The following SLC4A1 variants were observed in gnomAD, a reference collection of about 807,000 sequenced individuals.
The protein encoded by SLC4A1 is solute carrier family 4 member 1 (Diego blood group).
A neutral mutation model predicts 93.1 loss-of-function variants in SLC4A1; 29 were observed. The ratio of observed to expected loss-of-function variants is 0.31; its 90% CI spans 0.23 to 0.42. SLC4A1 has a LOEUF of 0.42. Among genes scored for constraint, SLC4A1 ranks in the 20% least tolerant of loss-of-function variants. The pLI, the probability that SLC4A1 is intolerant of heterozygous loss-of-function variation, is 1.00. For synonymous variants in SLC4A1, 469 were observed against 497.2 expected (o/e 0.94, Z 0.76); for missense variants, 965 against 1,190.1 (o/e 0.81, Z 2.78).
At chr17:44,259,132 C>T (rs1436120712) in intron 9 of SLC4A1, 31 bp downstream of exon 9, 1 of 1,611,720 alleles carries the variant, frequency 6.2e-7, no homozygotes, top group Non-Finnish European at 8.5e-7. Flanking sequence ...CCCAAGCTTC[C>T]CCAGCCCAGC....
chr17:44,260,789 C>G lies in SLC4A1; in HGVS notation c.195G>C (p.Val65=). 1 of 1,613,286 alleles carries G rather than the reference C, an allele frequency of 6.2e-7. No homozygotes were observed. The change falls in exon 5 of 20, where the codon GTG becomes GTC. Residue 65 remains valine, a synonymous_variant. Coordinates refer to ENST00000262418, the MANE Select transcript of SLC4A1 (RefSeq NM_000342.4). The stretch of plus-strand genomic sequence containing the variant: ...TCAGCTCCTGGTTCTTTTCGTCCAT[C>G]ACCAGCTCCTGCAGCTCCACATAGA... ...HKVYVELQEL[V]MDEKNQELRW...
At position 44,262,837 on chromosome 17, in the gene SLC4A1, C is replaced by T. The variant is rs753574686; in HGVS notation, c.15+15G>A. 10 of 1,613,854 alleles carry T rather than the reference C, an allele frequency of 6.2e-6. No individual in the cohort carries two copies. The highest frequency in any genetic ancestry group is 1.1e-5 in the South Asian group (1 of 91,072). ...CCTCCAGGTGGGAGCACTGCTGATG[C>T]CAGGGAACACCCACCTGCAGCTCCT... On this transcript the variant is annotated intron_variant, in intron 2 of 19. Coordinates refer to ENST00000262418, the MANE Select transcript of SLC4A1 (RefSeq NM_000342.4).
At chr17:44,257,894 G>A in intron 11 of SLC4A1, 87 bp from the exon 12 acceptor site, 3 of 1,605,474 alleles carry the variant, frequency 1.9e-6, no homozygotes, top group Non-Finnish European at 2.6e-6. Context: ...TGATGCAGGG[G>A]TCTGGAGGGT....
chr17:44,261,805 G>C (rs1341883137), intron 3 of SLC4A1, among the ~76,000 whole-genome samples, 169 bp from the exon 4 acceptor site: 1 of 152,134 alleles, frequency 6.6e-6, no homozygotes, highest in Non-Finnish European at 1.5e-5. Context: ...GCAGAATGAG[G>C]CTCCCCACAC....
At chr17:44,251,117 A>G (rs1174489676) in intron 19 of SLC4A1, 42 bp downstream of exon 19, 5 of 1,559,496 alleles carry the variant, frequency 3.2e-6, no homozygotes, top group South Asian at 2.3e-5. Flanking sequence ...CGCCCCTCGC[A>G]TGCTCCCAGC....
chr17:44,262,362 T>C (rs2047453020), intron 3 of SLC4A1, among the ~76,000 whole-genome samples: 1 of 152,220 alleles, frequency 6.6e-6, no homozygotes, highest in Admixed American at 6.5e-5. Context: ...TGGGCACAGA[T>C]GGCATGTGGG....
chr17:44,259,993 G>C, intron 6 of SLC4A1, 61 bp from the exon 7 acceptor site: 1 of 1,605,150 alleles, frequency 6.2e-7, no homozygotes, highest in Non-Finnish European at 8.5e-7. Flanking sequence ...ATCAGTGGTG[G>C]GAGGGATCAA....
In SLC4A1 at chr17:44,258,273, G is replaced by T; in HGVS notation, c.1088-93C>A. On this transcript the variant is annotated intron_variant, in intron 10 of 19. Transcript: ENST00000262418. This position sits in a 1 kb window ranked among gnomAD's most constrained non-coding sequence, Gnocchi z 6.1. Reference sequence around the variant, plus strand: ...GGGTGTAGGGGAGATTGTCTGATGGGAATGGGGCGGCGAAGAAGTCTGGAA... The same window carrying T: ...GGGTGTAGGGGAGATTGTCTGATGGTAATGGGGCGGCGAAGAAGTCTGGAA... 7.0e-7 allele frequency: 1 copy of T among 1,435,422 alleles called. No homozygotes were observed. The highest frequency in any genetic ancestry group is 9.8e-7 in the Non-Finnish European group (1 of 1,020,274). 88.9% of individuals were successfully genotyped at this position (1,435,422 alleles called of 1,614,324 possible). A position where few individuals can be genotyped will look rare whatever the true frequency, so the allele number is the denominator to read the frequency against.
At chr17:44,260,036 A>C (rs953604080) in intron 6 of SLC4A1, 104 bp from the exon 7 acceptor site, 2 of 1,463,774 alleles carry the variant, frequency 1.4e-6, no homozygotes, top group Non-Finnish European at 1.9e-6. Context: ...GTAGACATCA[A>C]GGGTAGACAT....
At chr17:44,260,278 G>A in intron 6 of SLC4A1, 126 bp downstream of exon 6, 1 of 1,204,492 alleles carries the variant, frequency 8.3e-7, no homozygotes, top group Non-Finnish European at 1.2e-6. Context: ...GAGCCATAGT[G>A]GAGGAAAGTG....
At chr17:44,251,731 T>TC (rs1271879774) in intron 17 of SLC4A1, 143 bp from the exon 18 acceptor site, 3 of 585,442 alleles carry the variant, frequency 5.1e-6, no homozygotes, top group Non-Finnish European at 8.5e-6. Context: ...TTTTTTTTTT[T>TC]TTTTTTTTGT....
chr17:44,260,981 G>C (rs936910256), intron 4 of SLC4A1, among the ~76,000 whole-genome samples, 166 bp from the exon 5 acceptor site: 7 of 152,124 alleles, frequency 4.6e-5, no homozygotes, highest in African/African-American at 1.4e-4. Flanking sequence ...TCCTGGCCAG[G>C]CCTTTACCCC....
rs2047321169 is a variant in SLC4A1 at position 44,249,530 on chromosome 17, C to G, written c.*928G>C. 1 of 204,830 alleles carries G rather than the reference C, an allele frequency of 4.9e-6. No individual in the cohort carries two copies. Among genetic ancestry groups the G allele is most frequent in the Non-Finnish European group, 1.0e-5 (1 of 100,362 alleles). 12.7% of individuals were successfully genotyped at this position (204,830 alleles called of 1,614,324 possible). ...TCAACTGTACCTTGCCCCCCACCCC[C>G]ACCCCAGGGCAGGGCTTGTCTCAGT... On this transcript the variant is annotated 3_prime_UTR_variant, in exon 20 of 20. Transcript: ENST00000262418.
chr17:44,265,407 T>G (rs1331144576), intron 1 of SLC4A1, among the ~76,000 whole-genome samples: 2 of 152,006 alleles, frequency 1.3e-5, no homozygotes, highest in African/African-American at 4.8e-5. Context: ...TCTTGCTCTC[T>G]CTCCCAGTCT....
rs566732589 is a variant in SLC4A1, at chr17:44,258,244, T to C, written c.1088-64A>G. ...TGGAGGAGGTGAGGGGAAAGGGGAC[T>C]GGAGGGTGTAGGGGAGATTGTCTGA... On this transcript the variant is annotated intron_variant, in intron 10 of 19. Transcript: ENST00000262418. The surrounding 1 kb of genome is among the most constrained non-coding windows in gnomAD (Gnocchi z 6.1). 2.6e-5 allele frequency: 40 copies of C among 1,524,222 alleles called. 1 individual carries two copies. The South Asian group carries it at 4.5e-4, about 17-fold the overall frequency. 94.4% of individuals were successfully genotyped at this position (1,524,222 alleles called of 1,614,324 possible).
rs144927348 is a variant in SLC4A1 at position 44,258,178 on chromosome 17, A to C, written c.1090T>G (p.Leu364Val). The C allele has an allele frequency of 2.9e-5, 47 of 1,613,784 alleles. 1 individual carries two copies. The African/African-American group carries it at 5.9e-4, about 20-fold the overall frequency. ...AGAGGGTCATCTGGGCCCCCATTTAAGTCTGTGGTGGAGGATAAGAGCATG... is the reference window on the plus strand; with the variant it reads ...AGAGGGTCATCTGGGCCCCCATTTACGTCTGTGGTGGAGGATAAGAGCATG... ...PDSSFYKGLD[L>V]NGGPDDPLQQ... is the part of the protein sequence containing the mutation. Residue 364 changes from leucine to valine, a missense_variant and splice_region_variant, in exon 11 of 20, where the codon TTA (leucine) becomes GTA (valine). Coordinates refer to ENST00000262418, the MANE Select transcript of SLC4A1 (RefSeq NM_000342.4). This position sits in a 1 kb window ranked among gnomAD's most constrained non-coding sequence, Gnocchi z 6.1.
At chr17:44,256,563 C>T (rs957695291) in intron 13 of SLC4A1, among the ~76,000 whole-genome samples, 5 of 152,202 alleles carry the variant, frequency 3.3e-5, no homozygotes, top group African/African-American at 1.2e-4. Context: ...GGTGGCTGGG[C>T]ACTCCATCCA....
In SLC4A1 at chr17:44,248,860, T is replaced by TG; in HGVS notation, c.*1597_*1598insC. 7.3e-6 allele frequency: 1 copy of TG among 136,866 alleles called. No individual in the cohort carries two copies. The highest frequency in any genetic ancestry group is 2.5e-4 in the South Asian group (1 of 4,000). 8.5% of individuals were successfully genotyped at this position (136,866 alleles called of 1,614,324 possible). On this transcript the variant is annotated 3_prime_UTR_variant, in exon 20 of 20. Transcript: ENST00000262418. ...TGATGTTTCCTTCCGTTTTTTTTTT[T>TG]TTTTTTTTTTTTTTTTTGAGACAGG...
Position 44,254,551 on chromosome 17 carries a change from C to T in SLC4A1, c.2002G>A (p.Ala668Thr), listed in dbSNP as rs368353943. The T allele has an allele frequency of 3.5e-5, 56 of 1,612,732 alleles. No homozygotes were observed. Among genetic ancestry groups the T allele is most frequent in the Non-Finnish European group, 4.4e-5 (52 of 1,179,466 alleles). The change falls in exon 16 of 20, where the codon GCC (alanine) becomes ACC (threonine). Residue 668 changes from alanine to threonine, a missense_variant. Physicochemically the swap from Ala to Thr is moderately conservative, Grantham distance 58. Coordinates refer to ENST00000262418, the MANE Select transcript of SLC4A1 (RefSeq NM_000342.4). ...ATGAAGACCAGCAGAGCAGGCAGGG[C>T]GGAGGCAAACATCATCCAGATGGGA... ...EFPIWMMFAS[A>T]LPALLVFILI...
Sources: allele counts gnomAD v4.1 joint callset (sites outside exome capture counted in the v4.1 genomes callset), GRCh38; gene constraint gnomAD v4.1.1; non-coding constraint Gnocchi (gnomAD v3.1); transcripts MANE v1.5; gene names NCBI Gene and HGNC (gene_info 2026-07-23, HGNC 2026-07-21).